RASGRP2: variants seen among roughly 807,000 people sequenced by gnomAD.
The protein encoded by RASGRP2 is RAS guanyl releasing protein 2, also known as RAS guanyl-releasing protein 2.
RASGRP2 carries 44 observed loss-of-function variants against 71.0 expected under a neutral mutation model. The observed-to-expected ratio is 0.62, with a 90% confidence interval of 0.49 to 0.80. RASGRP2 has a LOEUF of 0.80. RASGRP2 is among the 30% of genes least tolerant of loss of function. The probability of loss-of-function intolerance (pLI) is 0.00; values close to 1 mark genes in which losing one functional copy is unlikely to be tolerated. For missense variants in RASGRP2, 663 were observed against 813.4 expected, an observed-to-expected ratio of 0.82 and a Z score of 2.25; for synonymous variants, 350 against 330.7, an observed-to-expected ratio of 1.06 and a Z score of -0.63.
In RASGRP2 at chr11:64,743,248, C is replaced by T; in HGVS notation, c.-71-311G>A. ...CCCCGCAGGGCGCCTTCTCCTCGCGCCCTCTCCCCAGAGGCACCTGCAGCA... is the reference window on the plus strand; with the variant it reads ...CCCCGCAGGGCGCCTTCTCCTCGCGTCCTCTCCCCAGAGGCACCTGCAGCA... On this transcript the variant is annotated intron_variant, in intron 1 of 16. Coordinates refer to ENST00000394432, the MANE Select transcript of RASGRP2 (RefSeq NM_001098671.2). The surrounding 1 kb of genome is among the most constrained non-coding windows in gnomAD (Gnocchi z 4.9). 2.0e-6 allele frequency: 1 copy of T among 492,412 alleles called. No individual in the cohort carries two copies. The allele number at this position is 492,412 out of a possible 1,614,324, so 30.5% of individuals were successfully genotyped here. A position where few individuals can be genotyped will look rare whatever the true frequency, so the allele number is the denominator to read the frequency against.
At chr11:64,737,760 T>C (rs1169400546) in intron 8 of RASGRP2, among the ~76,000 whole-genome samples, 1 of 144,848 alleles carries the variant, frequency 6.9e-6, no homozygotes, top group Non-Finnish European at 1.5e-5. Context: ...AATCAATACA[T>C]AAATTGGGGT....
chr11:64,740,440 TCA>T (rs760637506), intron 5 of RASGRP2: 89 of 650,504 alleles, frequency 1.4e-4, no homozygotes, highest in Non-Finnish European at 2.4e-4. Flanking sequence ...CTCGAGGAGC[TCA>T]CAGTCTACTG....
intron 9 of RASGRP2, among the ~76,000 whole-genome samples, chr11:64,736,492 A>G (rs2057941305): frequency 6.6e-6 from 1 of 152,012 alleles, no homozygotes; most frequent in Admixed American, 6.6e-5. Context: ...AACACAGCCC[A>G]TTGCCAGAAC....
chr11:64,733,509 C>T (rs531893891), intron 12 of RASGRP2, among the ~76,000 whole-genome samples: 53 of 151,874 alleles, frequency 3.5e-4, no homozygotes, highest in African/African-American at 1.2e-3. Context: ...AGGCCTCCAT[C>T]GTCTCAAAGG....
At position 64,742,787 on chromosome 11, in the gene RASGRP2, C is replaced by G. The variant is rs749632862; in HGVS notation, c.73+7G>C. On this transcript the variant is annotated splice_region_variant and intron_variant, in intron 2 of 16. Transcript: ENST00000394432. This position sits in a 1 kb window ranked among gnomAD's most constrained non-coding sequence, Gnocchi z 4.7. ...TCAGGCTCCGTGTGCCCTCCCGAGC[C>G]ACTCACCGAAGGCTTCGATGCACCC... is the stretch of plus-strand genomic sequence containing the variant. The G allele has an allele frequency of 3.1e-5, 49 of 1,605,038 alleles. No individual in the cohort carries two copies. Among genetic ancestry groups the G allele is most frequent in the Non-Finnish European group, 4.2e-5 (49 of 1,176,700 alleles).
chr11:64,740,123 G>A lies in RASGRP2; in HGVS notation c.412C>T (p.Pro138Ser). 2 of 1,614,112 alleles carry A rather than the reference G, an allele frequency of 1.2e-6. No individual in the cohort carries two copies. Among genetic ancestry groups the A allele is most frequent in the Middle Eastern group, 1.6e-4 (1 of 6,062 alleles). ...ATCTTGCGCTTTTTCTGTCCCACAG[G>A]GTTCCGCTGAGTCACCTGCCGCTTC... Reference protein sequence around the residue: ...KWKRQVTQRNPVGQKKRKMSL... With the variant: ...KWKRQVTQRNSVGQKKRKMSL... The change falls in exon 6 of 17, where the codon CCT (proline) becomes TCT (serine). Residue 138 changes from proline (P) to serine (S), a missense_variant. Physicochemically the swap from Pro to Ser is moderately conservative, Grantham distance 74. Coordinates refer to ENST00000394432, the MANE Select transcript of RASGRP2 (RefSeq NM_001098671.2).
chr11:64,740,829 AG>A (rs2058096945), intron 5 of RASGRP2, 118 bp downstream of exon 5: 1 of 1,363,708 alleles, frequency 7.3e-7, no homozygotes, highest in Non-Finnish European at 1.0e-6. Flanking sequence ...GAGCCATGGA[AG>A]GTTTTTAAGC....
At chr11:64,731,851 A>T (rs1451810381) in intron 12 of RASGRP2, among the ~76,000 whole-genome samples, 5 of 152,214 alleles carry the variant, frequency 3.3e-5, no homozygotes, top group Non-Finnish European at 5.9e-5. Flanking sequence ...GCAAACTGGT[A>T]CAACCTTGTC....
At position 64,736,861 on chromosome 11, in the gene RASGRP2, G is replaced by A. The variant is rs778380385; in HGVS notation, c.987C>T (p.Leu329=). The A allele has an allele frequency of 6.2e-7, 1 of 1,613,690 alleles. No homozygotes were observed. Among genetic ancestry groups the A allele is most frequent in the Non-Finnish European group, 8.5e-7 (1 of 1,180,014 alleles). Residue 329 remains leucine (L), a synonymous_variant, in exon 9 of 17, where the codon CTC becomes CTT. Coordinates refer to ENST00000394432, the MANE Select transcript of RASGRP2 (RefSeq NM_001098671.2). The stretch of plus-strand genomic sequence containing the variant: ...AGAGCTGCTTCATCTTGGCCCCGTT[G>A]AGCCGGGTCCGGGCTGGGTCCAGCC... ...PDWLDPARTR[L]NGAKMKQLFS...
chr11:64,742,424 TGGG>T lies in RASGRP2; in HGVS notation c.74-315_74-313del. On this transcript the variant is annotated intron_variant, in intron 2 of 16. Transcript: ENST00000394432. This position sits in a 1 kb window ranked among gnomAD's most constrained non-coding sequence, Gnocchi z 4.7. ...ATCCAGAGGTCATTTCCTGAGCGCT[TGGG>T]GGGAAGGGGCACCCCTTCACCAGAT... 1 of 562,072 alleles carries T rather than the reference TGGG, an allele frequency of 1.8e-6. No individual in the cohort carries two copies. The highest frequency in any genetic ancestry group is 3.2e-6 in the Non-Finnish European group (1 of 312,466). The allele number at this position is 562,072 out of a possible 1,614,324, so 34.8% of individuals were successfully genotyped here. A position where few individuals can be genotyped will look rare whatever the true frequency, so the allele number is the denominator to read the frequency against.
upstream of RASGRP2, chr11:64,744,272 C>T: frequency 1.0e-6 from 1 of 985,642 alleles, no homozygotes; most frequent in Non-Finnish European, 1.2e-6. Context: ...ACTCCCCTCA[C>T]TCCCAGATTT....
In RASGRP2 at chr11:64,740,781, G is replaced by A. The variant is rs139574400; in HGVS notation, c.371+167C>T. 373 of 871,250 alleles carry A rather than the reference G, an allele frequency of 4.3e-4. No individual in the cohort carries two copies. In the African/African-American group the frequency reaches 5.0e-3, roughly 12 times the overall value. 54.0% of individuals were successfully genotyped at this position (871,250 alleles called of 1,614,324 possible). ...TGGCAGTGGAAGATGAGGCAGGAAC[G>A]CCAAGCTGCCCAGAGGAGGCATGTT... On this transcript the variant is annotated intron_variant, in intron 5 of 16. Transcript: ENST00000394432.
At chr11:64,728,675 C>A (rs563540722) in intron 15 of RASGRP2, among the ~76,000 whole-genome samples, 188 bp downstream of exon 15, 2 of 152,124 alleles carry the variant, frequency 1.3e-5, no homozygotes, top group African/African-American at 4.8e-5. Flanking sequence ...CCTCGTGATC[C>A]GCCCGCCTCG....
intron 12 of RASGRP2, among the ~76,000 whole-genome samples, chr11:64,732,242 G>A (rs1253264814): frequency 2.6e-5 from 4 of 152,264 alleles, no homozygotes; most frequent in Admixed American, 2.6e-4. Flanking sequence ...TAGGCCGGGT[G>A]CACAGTGGCT....
intron 8 of RASGRP2, 166 bp from the exon 9 acceptor site, chr11:64,737,200 A>T (rs2057970477): frequency 1.3e-6 from 1 of 772,448 alleles, no homozygotes; most frequent in African/African-American, 1.7e-5. Context: ...TGGGGATTGA[A>T]TTCATTGCCA....
At chr11:64,740,707 G>C in intron 5 of RASGRP2, 2 of 663,662 alleles carry the variant, frequency 3.0e-6, no homozygotes. Flanking sequence ...CTCAGCCGAC[G>C]GGGAGCCGAC....
intron 5 of RASGRP2, chr11:64,740,608 T>C (rs1306187677): frequency 2.6e-5 from 17 of 659,388 alleles, no homozygotes; most frequent in Non-Finnish European, 1.1e-5. Context: ...CCACGGAGAC[T>C]TCATGCCTGA....
In RASGRP2 at chr11:64,735,338, G is replaced by A. The variant is rs1184828151; in HGVS notation, c.1297-111C>T. Reference sequence around the variant, plus strand: ...CATTTGATGAGGTGTGTCTCAGAGAGGTCTCTGACACCACCCCCGTTCCAT... The same window carrying A: ...CATTTGATGAGGTGTGTCTCAGAGAAGTCTCTGACACCACCCCCGTTCCAT... On this transcript the variant is annotated intron_variant, in intron 11 of 16. Coordinates refer to ENST00000394432, the MANE Select transcript of RASGRP2 (RefSeq NM_001098671.2). The surrounding 1 kb of genome is among the most constrained non-coding windows in gnomAD (Gnocchi z 4.2). The A allele has an allele frequency of 4.0e-6, 5 of 1,234,650 alleles. No individual in the cohort carries two copies. Among genetic ancestry groups the A allele is most frequent in the East Asian group, 4.8e-5 (2 of 41,652 alleles). The allele number at this position is 1,234,650 out of a possible 1,614,324, so 76.5% of individuals were successfully genotyped here.
intron 12 of RASGRP2, among the ~76,000 whole-genome samples, chr11:64,731,523 G>A (rs909876089): frequency 5.9e-5 from 9 of 152,178 alleles, no homozygotes; most frequent in Non-Finnish European, 1.3e-4. Context: ...ATAAATGACA[G>A]ACAGGGAGAA....
Sources: allele counts gnomAD v4.1 joint callset (sites outside exome capture counted in the v4.1 genomes callset), GRCh38; gene constraint gnomAD v4.1.1; non-coding constraint Gnocchi (gnomAD v3.1); transcripts MANE v1.5; gene names NCBI Gene and HGNC (gene_info 2026-07-23, HGNC 2026-07-21).